EXOSC1: variants seen among roughly 807,000 people sequenced by gnomAD.
EXOSC1 encodes exosome component 1.
Under a neutral mutation model 31.4 loss-of-function variants are expected in EXOSC1, and 27 were observed. The ratio of observed to expected loss-of-function variants is 0.86; its 90% CI spans 0.63 to 1.18. The LOEUF (loss-of-function observed/expected upper bound fraction) is 1.18. EXOSC1 is among the 50% of genes most tolerant of loss of function. The pLI is 0.00. For synonymous variants in EXOSC1, 84 were observed against 89.5 expected (o/e 0.94, Z 0.35); for missense variants, 228 against 250.3 (o/e 0.91, Z 0.60).
chr10:97,439,553 A>C (rs1367258034), intron 4 of EXOSC1, among the ~76,000 whole-genome samples: 1 of 152,170 alleles, frequency 6.6e-6, no homozygotes, highest in Non-Finnish European at 1.5e-5. Context: ...CCCAGATGGG[A>C]CCATCGAATT....
intron 4 of EXOSC1, 47 bp from the exon 5 acceptor site, chr10:97,438,750 ATTTTT>A (rs11316935): frequency 4.7e-4 from 467 of 995,414 alleles, no homozygotes; most frequent in South Asian, 6.7e-4. Flanking sequence ...GTGAGAAAGA[ATTTTT>A]TTTTTTTTTT....
rs944761401 is a variant in EXOSC1 at position 97,445,986 on chromosome 10, G to A, written c.-1C>T. On this transcript the variant is annotated 5_prime_UTR_variant, in exon 1 of 8. Coordinates refer to ENST00000370902, the MANE Select transcript of EXOSC1 (RefSeq NM_016046.5). ...TGCAGTATCTCACAGGTGGCGCCAT[G>A]ATTGCCGCTGTCCCAAAACCAGGAT... 4 of 1,614,250 alleles carry A rather than the reference G, an allele frequency of 2.5e-6. No homozygotes were observed. In the Admixed American group the frequency reaches 5.0e-5, roughly 20 times the overall value.
At chr10:97,443,349 T>C in intron 2 of EXOSC1, 38 bp from the exon 3 acceptor site, 8 of 1,587,002 alleles carry the variant, frequency 5.0e-6, no homozygotes, top group Non-Finnish European at 6.9e-6. Context: ...ATGTCCTGAC[T>C]AACCCTTGGG....
intron 4 of EXOSC1, among the ~76,000 whole-genome samples, chr10:97,439,861 CAAGG>C (rs1049053267): frequency 3.3e-5 from 5 of 152,066 alleles, no homozygotes; most frequent in Non-Finnish European, 7.3e-5. Context: ...TGTCCTTTCT[CAAGG>C]AAGCCACACG....
At chr10:97,440,515 A>ATT (rs397846677) in intron 4 of EXOSC1, among the ~76,000 whole-genome samples, 7 of 124,256 alleles carry the variant, frequency 5.6e-5, no homozygotes, top group African/African-American at 9.2e-5. Flanking sequence ...TGCCCAGCTA[A>ATT]TTTTTTTTTT....
In EXOSC1 at chr10:97,436,226, AGTTTT is replaced by A. The variant is rs1446135567; in HGVS notation, c.*214_*218del. ...AGGGATAGGCTATTTCCAATATCAC[AGTTTT>A]GTTTGTTGGTGCCTTGAAAAGATAA... On this transcript the variant is annotated 3_prime_UTR_variant, in exon 8 of 8. Coordinates refer to ENST00000370902, the MANE Select transcript of EXOSC1 (RefSeq NM_016046.5). The A allele has an allele frequency of 1.6e-5, 7 of 445,164 alleles. No individual in the cohort carries two copies. The highest frequency in any genetic ancestry group is 1.5e-4 in the South Asian group (6 of 40,266). The allele number at this position is 445,164 out of a possible 1,614,324, so 27.6% of individuals were successfully genotyped here. A position where few individuals can be genotyped will look rare whatever the true frequency, so the allele number is the denominator to read the frequency against.
rs1845700398 is a variant in EXOSC1, at chr10:97,441,157, A to G, written c.311+14T>C. On this transcript the variant is annotated intron_variant, in intron 4 of 7. Coordinates refer to ENST00000370902, the MANE Select transcript of EXOSC1 (RefSeq NM_016046.5). ...TCCAGTTGCTAAGGTATATGTGAAA[A>G]GGATACTTCTTACCGGATAGTTCCT... 2 of 1,606,646 alleles carry G rather than the reference A, an allele frequency of 1.2e-6. No homozygotes were observed. The highest frequency in any genetic ancestry group is 3.3e-5 in the Admixed American group (2 of 59,896).
intron 7 of EXOSC1, among the ~76,000 whole-genome samples, 198 bp from the exon 8 acceptor site, chr10:97,436,749 C>T (rs1329482843): frequency 6.6e-6 from 1 of 152,140 alleles, no homozygotes; most frequent in Non-Finnish European, 1.5e-5. Flanking sequence ...TCAGGCTGGG[C>T]GTGGTGGCTC....
In EXOSC1 at chr10:97,437,740, T is replaced by C. The variant is rs146531279; in HGVS notation, c.356A>G (p.Tyr119Cys). 6 of 1,613,092 alleles carry C rather than the reference T, an allele frequency of 3.7e-6. No homozygotes were observed. Among genetic ancestry groups the C allele is most frequent in the Admixed American group, 1.7e-5 (1 of 59,968 alleles). ...AATGTCACCTGGGCGGAAACTCTTA[T>C]AAATTTCAACCTGTAAAGAAAGAAC... ...RATEKDKVEIYKSFRPGDIVL... is the reference protein window; with the variant it reads ...RATEKDKVEICKSFRPGDIVL... The change falls in exon 6 of 8, where the codon TAT becomes TGT. Residue 119 changes from tyrosine to cysteine, a missense_variant. Physicochemically the swap from Tyr to Cys is radical, Grantham distance 194. Transcript: ENST00000370902.
At chr10:97,437,333 GC>G in intron 6 of EXOSC1, 58 bp from the exon 7 acceptor site, 1 of 1,367,912 alleles carries the variant, frequency 7.3e-7, no homozygotes, top group Non-Finnish European at 1.0e-6. Flanking sequence ...CCCCACCTTA[GC>G]CACCTGAGTT....
intron 4 of EXOSC1, 72 bp from the exon 5 acceptor site, chr10:97,438,775 CAG>C (rs1845628400): frequency 1.4e-5 from 15 of 1,052,840 alleles, no homozygotes; most frequent in East Asian, 1.1e-4. Context: ...TTTTTTGAGA[CAG>C]AGTCTCCCTC....
rs1845914313 is a variant in EXOSC1 at position 97,445,441 on chromosome 10, T to C, written c.147+291A>G. On this transcript the variant is annotated intron_variant, in intron 2 of 7. Coordinates refer to ENST00000370902, the MANE Select transcript of EXOSC1 (RefSeq NM_016046.5). ...GGAAAGGTAAGCAACATTCATACAGTATGCAACTCACTGCTGGGCTGAGCT... is the reference window on the plus strand; with the variant it reads ...GGAAAGGTAAGCAACATTCATACAGCATGCAACTCACTGCTGGGCTGAGCT... 4.1e-6 allele frequency: 2 copies of C among 484,212 alleles called. 1 individual carries two copies. The highest frequency in any genetic ancestry group is 5.5e-5 in the South Asian group (2 of 36,402). 30.0% of individuals were successfully genotyped at this position (484,212 alleles called of 1,614,324 possible). A position where few individuals can be genotyped will look rare whatever the true frequency, so the allele number is the denominator to read the frequency against.
At chr10:97,441,792 GT>G (rs760097494) in intron 3 of EXOSC1, among the ~76,000 whole-genome samples, 3,978 of 128,188 alleles carry the variant, frequency 0.031, 62 homozygotes, top group South Asian at 0.055. Context: ...ATCCGGCTGG[GT>G]TTTTTTTTTT....
At chr10:97,438,022 C>T (rs1030054087) in intron 5 of EXOSC1, among the ~76,000 whole-genome samples, 1 of 151,810 alleles carries the variant, frequency 6.6e-6, no homozygotes, top group Non-Finnish European at 1.5e-5. Context: ...CGGGTTCAAG[C>T]GATTCTCCTG....
At chr10:97,436,713 G>A (rs779015812) in intron 7 of EXOSC1, among the ~76,000 whole-genome samples, 162 bp from the exon 8 acceptor site, 10 of 152,116 alleles carry the variant, frequency 6.6e-5, no homozygotes, top group African/African-American at 2.2e-4. Flanking sequence ...AGTGAGTCCC[G>A]TTTCCTTGGA....
chr10:97,437,313 A>AG, intron 6 of EXOSC1, 38 bp from the exon 7 acceptor site: 1 of 1,534,944 alleles, frequency 6.5e-7, no homozygotes, highest in Non-Finnish European at 9.0e-7. Flanking sequence ...ATGAGGAGTT[A>AG]GAAGTCTTCC....
intron 1 of EXOSC1, 44 bp downstream of exon 1, chr10:97,445,908 TTGC>T (rs759915887): frequency 1.2e-6 from 2 of 1,613,718 alleles, no homozygotes; most frequent in African/African-American, 1.3e-5. Flanking sequence ...TTTAGCCTTC[TTGC>T]TTCAGCCCCT....
chr10:97,439,133 C>T (rs1385860061), intron 4 of EXOSC1, among the ~76,000 whole-genome samples: 2 of 152,194 alleles, frequency 1.3e-5, no homozygotes, highest in Non-Finnish European at 2.9e-5. Flanking sequence ...TGGGACACAG[C>T]TGCTACCCAG....
chr10:97,443,243 G>A lies in EXOSC1; in HGVS notation c.216C>T (p.Thr72=), dbSNP rs760141247. 3 of 1,613,794 alleles carry A rather than the reference G, an allele frequency of 1.9e-6. No individual in the cohort carries two copies. Among genetic ancestry groups the A allele is most frequent in the African/African-American group, 1.3e-5 (1 of 74,918 alleles). ...GAGGTCAGGACCAACTTACCTTACA[G>A]GTTACAATAGCTCCCACATCTGGCA... ...QLLPDVGAIV[T]CKVSSINSRF... Residue 72 remains threonine (T), a synonymous_variant, in exon 3 of 8, where the codon ACC becomes ACT. Coordinates refer to ENST00000370902, the MANE Select transcript of EXOSC1 (RefSeq NM_016046.5).
Sources: allele counts gnomAD v4.1 joint callset (sites outside exome capture counted in the v4.1 genomes callset), GRCh38; gene constraint gnomAD v4.1.1; transcripts MANE v1.5; gene names NCBI Gene and HGNC (gene_info 2026-07-23, HGNC 2026-07-21).